CDH19: variants seen among roughly 807,000 people sequenced by gnomAD.
CDH19 encodes the protein cadherin-19.
A neutral mutation model predicts 64.2 loss-of-function variants in CDH19; 67 were observed. The ratio of observed to expected loss-of-function variants is 1.04; its 90% CI spans 0.86 to 1.28. The LOEUF is 1.28. Among genes scored for constraint, CDH19 ranks in the 50% most tolerant of loss-of-function variants. The probability of loss-of-function intolerance (pLI) is 0.00; values close to 1 mark genes in which losing one functional copy is unlikely to be tolerated. For synonymous variants in CDH19, 346 were observed against 319.3 expected (o/e 1.08, Z -0.89); for missense variants, 1,030 against 929.0 (o/e 1.11, Z -1.41).
At chr18:66,550,992 A>G (rs1052133811) in intron 5 of CDH19, 102 bp downstream of exon 5, 1 of 546,574 alleles carries the variant, frequency 1.8e-6, no homozygotes, top group African/African-American at 1.9e-5. Context: ...ATATAATTTT[A>G]GTGTTAATGT....
chr18:66,509,316 T>G lies in CDH19; in HGVS notation c.1577-70A>C. On this transcript the variant is annotated intron_variant, in intron 10 of 11. Transcript: ENST00000262150. ...GAAATTTGTATGTAATAGTCACATG[T>G]GCTAGGGACAATAGTATAGAGATAT... 4 of 1,327,356 alleles carry G rather than the reference T, an allele frequency of 3.0e-6. No individual in the cohort carries two copies. In the East Asian group the frequency reaches 6.9e-5, roughly 23 times the overall value. The allele number at this position is 1,327,356 out of a possible 1,614,324, so 82.2% of individuals were successfully genotyped here. A position where few individuals can be genotyped will look rare whatever the true frequency, so the allele number is the denominator to read the frequency against.
chr18:66,521,140 C>G (rs550412), intron 9 of CDH19, among the ~76,000 whole-genome samples: 35,030 of 151,934 alleles, frequency 0.23, 4,461 homozygotes, highest in East Asian at 0.46. Flanking sequence ...TAAAAATGTT[C>G]ACTTCCTATT....
intron 10 of CDH19, among the ~76,000 whole-genome samples, chr18:66,509,889 T>G (rs1233381693): frequency 6.6e-6 from 1 of 151,916 alleles, no homozygotes; most frequent in Non-Finnish European, 1.5e-5. Context: ...TTGCTGTTAT[T>G]AATCTATTTT....
chr18:66,545,620 CTAAAT>C (rs1276467471), intron 5 of CDH19, among the ~76,000 whole-genome samples: 2 of 152,188 alleles, frequency 1.3e-5, no homozygotes, highest in East Asian at 3.9e-4. Context: ...TTCAACCATA[CTAAAT>C]TAAATTTGAC....
In CDH19 at chr18:66,509,256, A is replaced by G. The variant is rs1415455416; in HGVS notation, c.1577-10T>C. ...ATGACAGCTGTGTTATCTAAAACAA[A>G]AATCCATGTGCATAATTTTTTCAAC... On this transcript the variant is annotated splice_polypyrimidine_tract_variant and intron_variant, in intron 10 of 11. Transcript: ENST00000262150. 1 of 1,610,280 alleles carries G rather than the reference A, an allele frequency of 6.2e-7. No homozygotes were observed. The highest frequency in any genetic ancestry group is 1.7e-4 in the Middle Eastern group (1 of 6,024).
At position 66,535,072 on chromosome 18, in the gene CDH19, T is replaced by C. The variant is rs1986606329; in HGVS notation, c.1250A>G (p.Asn417Ser). The change falls in exon 8 of 12, where the codon AAT becomes AGT. Residue 417 changes from asparagine to serine, a missense_variant. By Grantham distance (46) the Asn-to-Ser change is conservative. Transcript: ENST00000262150. Reference protein sequence around the residue: ...SITRSKVFNINDNGTITTSNS... With the variant: ...SITRSKVFNISDNGTITTSNS... ...ACTTGTAGTGATTGTACCATTATCA[T>C]TGATATTGAACACTTTGCTCCTAGT... is the stretch of plus-strand genomic sequence containing the variant. The C allele has an allele frequency of 6.6e-7, 1 of 1,506,702 alleles. No individual in the cohort carries two copies. Among genetic ancestry groups the C allele is most frequent in the Non-Finnish European group, 9.0e-7 (1 of 1,107,922 alleles). 93.3% of individuals were successfully genotyped at this position (1,506,702 alleles called of 1,614,324 possible).
chr18:66,566,473 C>G (rs141851488), intron 3 of CDH19, among the ~76,000 whole-genome samples: 14 of 151,940 alleles, frequency 9.2e-5, no homozygotes, highest in African/African-American at 3.1e-4. Context: ...TACCTAGCAT[C>G]TCACATTTCA....
chr18:66,576,732 A>G (rs1396143074), intron 1 of CDH19, among the ~76,000 whole-genome samples: 3 of 151,632 alleles, frequency 2.0e-5, no homozygotes, highest in African/African-American at 7.2e-5. Flanking sequence ...AATTCTATCC[A>G]ATGAAATAAG....
chr18:66,575,556 C>A (rs569130706), intron 1 of CDH19, among the ~76,000 whole-genome samples: 1 of 151,948 alleles, frequency 6.6e-6, no homozygotes, highest in South Asian at 2.1e-4. Context: ...CAGGTCAAGT[C>A]TTTATAGCTG....
intron 9 of CDH19, 138 bp from the exon 10 acceptor site, chr18:66,511,823 T>C (rs541866515): frequency 4.9e-6 from 3 of 611,364 alleles, no homozygotes; most frequent in East Asian, 6.0e-5. Flanking sequence ...GTCAAATCAG[T>C]GGAGAATATT....
chr18:66,590,480 T>G (rs2144625748), intron 1 of CDH19, among the ~76,000 whole-genome samples: 1 of 151,942 alleles, frequency 6.6e-6, no homozygotes, highest in South Asian at 2.1e-4. Flanking sequence ...CTGGTACCTT[T>G]AACCAATGTC....
chr18:66,534,370 C>G (rs948026670), intron 8 of CDH19, among the ~76,000 whole-genome samples: 1 of 151,734 alleles, frequency 6.6e-6, no homozygotes, highest in African/African-American at 2.4e-5. Context: ...CTGCCATCTG[C>G]CTGATAAAGT....
At chr18:66,529,777 T>G in intron 9 of CDH19, 68 bp downstream of exon 9, 2 of 828,618 alleles carry the variant, frequency 2.4e-6, no homozygotes, top group Non-Finnish European at 3.5e-6. Context: ...GTATAATATA[T>G]GAAGAAATTT....
intron 9 of CDH19, among the ~76,000 whole-genome samples, chr18:66,519,172 T>G (rs533409140): frequency 6.6e-6 from 1 of 152,338 alleles, no homozygotes; most frequent in South Asian, 2.1e-4. Flanking sequence ...CAATGTTGTT[T>G]GTGTGCAATG....
Position 66,504,812 on chromosome 18 carries a change from C to CTAA in CDH19, c.2316_2318dup (p.Asn772_Ter773insTyr), listed in dbSNP as rs776935559. On this transcript the variant is annotated inframe_insertion, in exon 12 of 12. Coordinates refer to ENST00000262150, the MANE Select transcript of CDH19 (RefSeq NM_021153.4). The stretch of plus-strand genomic sequence containing the variant: ...TTAAAAATTTTGATGGTAAAAAGCC[C>CTAA]TAATTATTTGACTGCACTGCAGAAC... 2.5e-6 allele frequency: 4 copies of CTAA among 1,589,068 alleles called. No homozygotes were observed. In the East Asian group the frequency reaches 9.0e-5, roughly 36 times the overall value.
At position 66,588,614 on chromosome 18, in the gene CDH19, C is replaced by CTATCTA. The variant is rs1555692697; in HGVS notation, c.-113+15339_-113+15340insTAGATA. 6.1e-4 allele frequency among the ~76,000 whole-genome samples: 69 copies of CTATCTA among 113,664 alleles called. 2 individuals carry two copies. The highest frequency in any genetic ancestry group is 1.8e-3 in the African/African-American group (67 of 36,692). 74.6% of individuals were successfully genotyped at this position (113,664 alleles called of 152,430 possible). On this transcript the variant is annotated intron_variant, in intron 1 of 11. Coordinates refer to ENST00000262150, the MANE Select transcript of CDH19 (RefSeq NM_021153.4). The stretch of plus-strand genomic sequence containing the variant: ...ACTCATTTTTACTAATCATATATAT[C>CTATCTA]TATATCTATATCTATATATATATAG...
chr18:66,561,514 G>A (rs1046917467), intron 3 of CDH19, among the ~76,000 whole-genome samples: 30 of 152,164 alleles, frequency 2.0e-4, no homozygotes, highest in African/African-American at 7.0e-4. Context: ...ACCAAATGAT[G>A]GGAACTCTGA....
chr18:66,504,291 C>CTTTTTTTTTTT lies in CDH19; in HGVS notation c.*510_*520dup, dbSNP rs768595800. 2 of 112,954 alleles carry CTTTTTTTTTTT rather than the reference C, an allele frequency of 1.8e-5. No homozygotes were observed. The highest frequency in any genetic ancestry group is 3.5e-5 in the Non-Finnish European group (2 of 56,918). The allele number at this position is 112,954 out of a possible 1,614,324, so 7.0% of individuals were successfully genotyped here. ...TTTTCTACGAAGATTACCTAGCATT[C>CTTTTTTTTTTT]TTTTTTTTTTTTTTTTTTTTTAAAT... On this transcript the variant is annotated 3_prime_UTR_variant, in exon 12 of 12. Coordinates refer to ENST00000262150, the MANE Select transcript of CDH19 (RefSeq NM_021153.4).
intron 1 of CDH19, among the ~76,000 whole-genome samples, chr18:66,599,128 T>C (rs1988978371): frequency 6.6e-6 from 1 of 152,136 alleles, no homozygotes; most frequent in African/African-American, 2.4e-5. Flanking sequence ...TAAAACTTTA[T>C]TTTGTTGAGT....
Sources: allele counts gnomAD v4.1 joint callset (sites outside exome capture counted in the v4.1 genomes callset), GRCh38; gene constraint gnomAD v4.1.1; transcripts MANE v1.5; gene names NCBI Gene and HGNC (gene_info 2026-07-23, HGNC 2026-07-21).